Variants in EMILIN2 observed in about 807,000 individuals in gnomAD.
EMILIN2 encodes elastin microfibril interfacer 2.
In EMILIN2, 71 loss-of-function variants were observed where a neutral mutation model predicts 87.1. The observed-to-expected ratio is 0.82, with a 90% CI of 0.67 to 0.99. The LOEUF is 0.99. EMILIN2 is among the 50% of genes least tolerant of loss of function. The probability of loss-of-function intolerance (pLI) is 0.00; values close to 1 mark genes in which losing one functional copy is unlikely to be tolerated. For missense variants in EMILIN2, 1,407 were observed against 1,371.8 expected (o/e 1.03, Z -0.40); for synonymous variants, 581 against 563.4 (o/e 1.03, Z -0.44).
rs1026982992 is a variant in EMILIN2 at position 2,890,029 on chromosome 18, T to C, written c.434-532T>C. On this transcript the variant is annotated intron_variant, in intron 3 of 7. Transcript: ENST00000254528. This position sits in a 1 kb window ranked among gnomAD's most constrained non-coding sequence, Gnocchi z 4.7. ...AGTAAAGGACAAAACATTCAGGCAC[T>C]GCTTTGAGGATAACATCAGAAAATA... Among the ~76,000 whole-genome samples the C allele has an allele frequency of 6.6e-6, 1 of 152,238 alleles. No homozygotes were observed. The highest frequency in any genetic ancestry group is 2.4e-5 in the African/African-American group (1 of 41,462).
chr18:2,858,559 ATATATATATATGTGTGTG>A (rs2076641703), intron 2 of EMILIN2, among the ~76,000 whole-genome samples: 1 of 67,180 alleles, frequency 1.5e-5, no homozygotes, highest in Admixed American at 1.8e-4. Context: ...ATATATATAT[ATATATATATATGTGTGTG>A]TGTGTGTATA....
upstream of EMILIN2, chr18:2,846,673 C>A: frequency 2.4e-6 from 2 of 823,088 alleles, no homozygotes; most frequent in Non-Finnish European, 2.9e-6. The surrounding 1 kb of genome is among the most constrained non-coding windows in gnomAD (Gnocchi z 5.3). Flanking sequence ...GGCACCCAGG[C>A]ACGACGCGAG....
intron 4 of EMILIN2, among the ~76,000 whole-genome samples, chr18:2,905,231 G>A (rs2076904349): frequency 7.0e-6 from 1 of 143,190 alleles, no homozygotes; most frequent in African/African-American, 2.6e-5. Flanking sequence ...ATGGAACATT[G>A]GTCAGGAAAG....
chr18:2,885,023 A>C lies in EMILIN2; in HGVS notation c.317A>C (p.Glu106Ala), dbSNP rs374913783. ...VTRYKTVTQL[E>A]WRCCPGFRGG... ...AGGTATAAGACAGTGACACAGTTGGAATGGAGGTGCTGTCCTGGCTTTAGA... is the reference window on the plus strand; with the variant it reads ...AGGTATAAGACAGTGACACAGTTGGCATGGAGGTGCTGTCCTGGCTTTAGA... The change falls in exon 3 of 8, where the codon GAA becomes GCA. Residue 106 changes from glutamate to alanine, a missense_variant. Physicochemically the swap from Glu to Ala is moderately radical, Grantham distance 107. Transcript: ENST00000254528. 49 of 1,613,726 alleles carry C rather than the reference A, an allele frequency of 3.0e-5. No homozygotes were observed. Among genetic ancestry groups the C allele is most frequent in the Non-Finnish European group, 3.6e-5 (42 of 1,179,892 alleles).
At chr18:2,873,958 A>G (rs939662431) in intron 2 of EMILIN2, among the ~76,000 whole-genome samples, 3 of 152,142 alleles carry the variant, frequency 2.0e-5, no homozygotes, top group African/African-American at 7.2e-5. Context: ...TATACCCTCA[A>G]GTTCTCCAAT....
chr18:2,865,639 T>C (rs2076682812), intron 2 of EMILIN2, among the ~76,000 whole-genome samples: 1 of 152,174 alleles, frequency 6.6e-6, no homozygotes, highest in Non-Finnish European at 1.5e-5. Flanking sequence ...TGCCTCCCAG[T>C]TAGGCTACTC....
chr18:2,876,891 T>C (rs2076751961), intron 2 of EMILIN2, among the ~76,000 whole-genome samples: 1 of 152,244 alleles, frequency 6.6e-6, no homozygotes. Context: ...CATTCTGGCT[T>C]TTAGAATTTA....
At chr18:2,902,834 G>A (rs1237530286) in intron 4 of EMILIN2, among the ~76,000 whole-genome samples, 2 of 152,134 alleles carry the variant, frequency 1.3e-5, no homozygotes, top group Non-Finnish European at 2.9e-5. Flanking sequence ...GTGTGAAGGA[G>A]CAGGAGGGGG....
At chr18:2,869,561 A>G (rs1346390622) in intron 2 of EMILIN2, among the ~76,000 whole-genome samples, 3 of 152,178 alleles carry the variant, frequency 2.0e-5, no homozygotes, top group Non-Finnish European at 4.4e-5. Context: ...TTGAACAGAA[A>G]GATTTTGAGA....
At chr18:2,866,618 C>T (rs745889659) in intron 2 of EMILIN2, among the ~76,000 whole-genome samples, 9 of 152,150 alleles carry the variant, frequency 5.9e-5, no homozygotes, top group African/African-American at 1.9e-4. Context: ...GGGTTTTCTA[C>T]GTATATAATC....
intron 2 of EMILIN2, among the ~76,000 whole-genome samples, chr18:2,858,973 C>T (rs759389912): frequency 2.6e-5 from 4 of 152,102 alleles, no homozygotes; most frequent in Non-Finnish European, 4.4e-5. Flanking sequence ...TTGATTGATG[C>T]ACATTTGGGT....
chr18:2,884,110 C>T (rs540911825), intron 2 of EMILIN2, among the ~76,000 whole-genome samples: 13 of 152,086 alleles, frequency 8.5e-5, no homozygotes, highest in South Asian at 2.1e-4. Flanking sequence ...CGCACGCCAT[C>T]ACGCCCGGCT....
At chr18:2,846,669 C>T (rs2076575019), upstream of EMILIN2, 1 of 791,696 alleles carries the variant, frequency 1.3e-6, no homozygotes. This position sits in a 1 kb window ranked among gnomAD's most constrained non-coding sequence, Gnocchi z 5.3. Context: ...GGCTGGCACC[C>T]AGGCACGACG....
In EMILIN2 at chr18:2,907,056, C is replaced by T. The variant is rs919306517; in HGVS notation, c.2633C>T (p.Pro878Leu). ...VDGQTGSGTVPGAEGFAGAPG... is the reference protein window; with the variant it reads ...VDGQTGSGTVLGAEGFAGAPG... The stretch of plus-strand genomic sequence containing the variant: ...GGCCAGACCGGGAGCGGCACCGTCC[C>T]CGGCGCAGAAGGCTTCGCGGGCGCA... The change falls in exon 5 of 8, where the codon CCC becomes CTC. Residue 878 changes from proline to leucine, a missense_variant. By Grantham distance (98) the Pro-to-Leu change is moderately conservative. Coordinates refer to ENST00000254528, the MANE Select transcript of EMILIN2 (RefSeq NM_032048.3). 3 of 1,267,662 alleles carry T rather than the reference C, an allele frequency of 2.4e-6. No individual in the cohort carries two copies. Among genetic ancestry groups the T allele is most frequent in the Non-Finnish European group, 3.0e-6 (3 of 1,011,050 alleles). The allele number at this position is 1,267,662 out of a possible 1,614,324, so 78.5% of individuals were successfully genotyped here.
chr18:2,858,093 T>G (rs2076637020), intron 2 of EMILIN2, among the ~76,000 whole-genome samples: 1 of 152,190 alleles, frequency 6.6e-6, no homozygotes, highest in Non-Finnish European at 1.5e-5. Context: ...TAGAAACTCC[T>G]TGTCAGAATC....
In EMILIN2 at chr18:2,894,109, T is replaced by C. The variant is rs1318056406; in HGVS notation, c.2359+1623T>C. Among the ~76,000 whole-genome samples, 1 of 152,150 alleles carries C rather than the reference T, an allele frequency of 6.6e-6. No homozygotes were observed. Among genetic ancestry groups the C allele is most frequent in the Non-Finnish European group, 1.5e-5 (1 of 68,030 alleles). On this transcript the variant is annotated intron_variant, in intron 4 of 7. Transcript: ENST00000254528. This position sits in a 1 kb window ranked among gnomAD's most constrained non-coding sequence, Gnocchi z 5.0. The stretch of plus-strand genomic sequence containing the variant: ...CAAGGAACTGAGATTTCATGGCCTC[T>C]GTGAACCTTGGGATTTTATGATCAA...
chr18:2,913,422 CA>C lies in EMILIN2; in HGVS notation c.*19del. On this transcript the variant is annotated 3_prime_UTR_variant, in exon 8 of 8. Coordinates refer to ENST00000254528, the MANE Select transcript of EMILIN2 (RefSeq NM_032048.3). ...ACCTCTAAGGTGGCTGGGGAGATGT[CA>C]GGGGAAAGATAGATAGTTGTAAAAA... 6.5e-7 allele frequency: 1 copy of C among 1,540,894 alleles called. No homozygotes were observed. The highest frequency in any genetic ancestry group is 1.2e-5 in the South Asian group (1 of 80,982).
In EMILIN2 at chr18:2,854,992, A is replaced by G. The variant is rs115302727; in HGVS notation, c.257+7061A>G. On this transcript the variant is annotated intron_variant, in intron 2 of 7. Transcript: ENST00000254528. ...CTTTTAAACAAAAGTTTCGCCATCA[A>G]TTGGCTGTTAGGAGGCTTGTTCCTT... 5.9e-3 allele frequency among the ~76,000 whole-genome samples: 901 copies of G among 152,322 alleles called. 11 individuals are homozygous for G. Among genetic ancestry groups the G allele is most frequent in the African/African-American group, 0.021 (869 of 41,560 alleles).
chr18:2,864,765 C>T (rs1242763996), intron 2 of EMILIN2, among the ~76,000 whole-genome samples: 1 of 152,040 alleles, frequency 6.6e-6, no homozygotes, highest in Non-Finnish European at 1.5e-5. Flanking sequence ...TGTTGGCCTG[C>T]CTTACTAGAT....
Sources: allele counts gnomAD v4.1 joint callset (sites outside exome capture counted in the v4.1 genomes callset), GRCh38; gene constraint gnomAD v4.1.1; non-coding constraint Gnocchi (gnomAD v3.1); transcripts MANE v1.5; gene names NCBI Gene and HGNC (gene_info 2026-07-23, HGNC 2026-07-21).